LAMB1: variants seen among roughly 807,000 people sequenced by gnomAD.
LAMB1 encodes laminin subunit beta-1.
LAMB1 carries 121 observed loss-of-function variants against 222.3 expected under a neutral mutation model. That is an observed-to-expected ratio of 0.54 (90% CI 0.47 to 0.63). The LOEUF is 0.63. Ranked by LOEUF, LAMB1 falls within the 30% of genes least tolerant of loss-of-function variation. LAMB1 has a pLI of 0.00. For synonymous variants in LAMB1, 794 were observed against 807.2 expected (o/e 0.98, Z 0.28); for missense variants, 2,172 against 2,240.8 (o/e 0.97, Z 0.62).
intron 24 of LAMB1, chr7:107,950,986 C>T (rs533233462): frequency 2.7e-6 from 1 of 367,806 alleles, no homozygotes; most frequent in Non-Finnish European, 5.1e-6. Flanking sequence ...ACAAACTTTA[C>T]CCCAGGGTGT....
intron 20 of LAMB1, 73 bp downstream of exon 20, chr7:107,959,176 C>A: frequency 8.6e-7 from 1 of 1,158,862 alleles, no homozygotes; most frequent in Admixed American, 2.0e-5. Flanking sequence ...GAGATGAATT[C>A]TGTGGTTGGT....
rs2033828949 is a variant in LAMB1 at position 107,975,295 on chromosome 7, A to G, written c.1308T>C (p.His436=). The G allele has an allele frequency of 3.1e-6, 5 of 1,614,116 alleles. No homozygotes were observed. The highest frequency in any genetic ancestry group is 3.4e-6 in the Non-Finnish European group (4 of 1,179,994). Reference sequence around the variant, plus strand: ...AGAAGCCTTCTTTGCAAACATCACAATGTTCTCCTTCCACATTTAATTTAC... The same window carrying G: ...AGAAGCCTTCTTTGCAAACATCACAGTGTTCTCCTTCCACATTTAATTTAC... ...CRCKLNVEGE[H]CDVCKEGFYD... Residue 436 remains histidine (H), a synonymous_variant, in exon 11 of 34, where the codon CAT becomes CAC. Coordinates refer to ENST00000222399, the MANE Select transcript of LAMB1 (RefSeq NM_002291.3).
chr7:107,946,669 C>T (rs2033123043), intron 24 of LAMB1, among the ~76,000 whole-genome samples: 1 of 152,236 alleles, frequency 6.6e-6, no homozygotes, highest in South Asian at 2.1e-4. Flanking sequence ...GACAAGACTT[C>T]ACTCTACTGA....
chr7:107,998,821 T>C (rs1475227110), intron 3 of LAMB1, among the ~76,000 whole-genome samples: 3 of 152,236 alleles, frequency 2.0e-5, no homozygotes, highest in Non-Finnish European at 4.4e-5. Flanking sequence ...AAGCTTACTC[T>C]ACAGTAAAAT....
chr7:107,959,242 T>C lies in LAMB1; in HGVS notation c.2690+7A>G. ...CTACATTCTCCTTACTTTCAGCATC[T>C]GCATACCTTTCACAGTTATGACCCA... is the stretch of plus-strand genomic sequence containing the variant. On this transcript the variant is annotated splice_region_variant and intron_variant, in intron 20 of 33. Coordinates refer to ENST00000222399, the MANE Select transcript of LAMB1 (RefSeq NM_002291.3). 1 of 1,604,890 alleles carries C rather than the reference T, an allele frequency of 6.2e-7. No homozygotes were observed. The highest frequency in any genetic ancestry group is 1.1e-5 in the South Asian group (1 of 90,752).
chr7:107,935,346 T>G lies in LAMB1; in HGVS notation c.4188+69A>C, dbSNP rs1562976441. The stretch of plus-strand genomic sequence containing the variant: ...TGACAAAAGATGGTTTGTTTTTCTT[T>G]GTTTTTTTTTTTTTTTTTTTTTTTT... On this transcript the variant is annotated intron_variant, in intron 27 of 33. Coordinates refer to ENST00000222399, the MANE Select transcript of LAMB1 (RefSeq NM_002291.3). 3 of 1,434,454 alleles carry G rather than the reference T, an allele frequency of 2.1e-6. No homozygotes were observed. The African/African-American group carries it at 6.2e-5, about 30-fold the overall frequency. 88.9% of individuals were successfully genotyped at this position (1,434,454 alleles called of 1,614,324 possible).
At chr7:107,961,492 A>G in intron 16 of LAMB1, 57 bp downstream of exon 16, 1 of 1,590,766 alleles carries the variant, frequency 6.3e-7, no homozygotes, top group South Asian at 1.1e-5. Flanking sequence ...AAAATATTAG[A>G]AAAATACTAA....
rs1373573046 is a variant in LAMB1 at position 107,926,219 on chromosome 7, T to C, written c.5028A>G (p.Val1676=). 1 of 1,613,938 alleles carries C rather than the reference T, an allele frequency of 6.2e-7. No individual in the cohort carries two copies. Among genetic ancestry groups the C allele is most frequent in the East Asian group, 2.2e-5 (1 of 44,874 alleles). The change falls in exon 32 of 34, where the codon GTA becomes GTG. Residue 1676 remains valine, a synonymous_variant. Transcript: ENST00000222399. ...CTTCTGCACTTTGCTTCACAGTATA[T>C]ACTACTTTTTCAATATATTCTGCCT... ...SGEAEYIEKV[V]YTVKQSAEDV...
rs1281794031 is a variant in LAMB1 at position 107,989,763 on chromosome 7, T to C, written c.424-3400A>G. On this transcript the variant is annotated intron_variant, in intron 5 of 33. Transcript: ENST00000222399. ...AGGGGAAGGTCTAATCGGACTTCTC[T>C]GTGCCAATGGCTCTGTGAAAGCCAT... is the stretch of plus-strand genomic sequence containing the variant. Among the ~76,000 whole-genome samples, 6 of 152,216 alleles carry C rather than the reference T, an allele frequency of 3.9e-5. No homozygotes were observed. The East Asian group carries it at 1.2e-3, about 29-fold the overall frequency.
chr7:107,927,287 C>T lies in LAMB1; in HGVS notation c.4888-928G>A, dbSNP rs1051345899. ...TGTTTCTGATAAGCTTTCATGAACA[C>T]AGTTTAGTTAGAGGTTCTCTTTGTT... On this transcript the variant is annotated intron_variant, in intron 31 of 33. Coordinates refer to ENST00000222399, the MANE Select transcript of LAMB1 (RefSeq NM_002291.3). Among the ~76,000 whole-genome samples the T allele has an allele frequency of 2.0e-5, 3 of 152,294 alleles. No individual in the cohort carries two copies. The East Asian group carries it at 5.8e-4, about 29-fold the overall frequency.
Position 107,927,627 on chromosome 7 carries a change from A to G in LAMB1, c.4888-1268T>C, listed in dbSNP as rs543672843. 6.6e-5 allele frequency among the ~76,000 whole-genome samples: 10 copies of G among 152,320 alleles called. No individual in the cohort carries two copies. The South Asian group carries it at 8.3e-4, about 13-fold the overall frequency. Reference sequence around the variant, plus strand: ...ACTGCTGCACCTGGCTTTCAAAACAATAATTTCTACAGTCACTGACATAAT... The same window carrying G: ...ACTGCTGCACCTGGCTTTCAAAACAGTAATTTCTACAGTCACTGACATAAT... On this transcript the variant is annotated intron_variant, in intron 31 of 33. Coordinates refer to ENST00000222399, the MANE Select transcript of LAMB1 (RefSeq NM_002291.3).
intron 24 of LAMB1, among the ~76,000 whole-genome samples, chr7:107,949,870 C>CA (rs896286936): frequency 6.6e-6 from 1 of 152,062 alleles, no homozygotes; most frequent in African/African-American, 2.4e-5. Flanking sequence ...AATGAGTTGC[C>CA]AACTTGAAGA....
At chr7:107,974,600 G>C (rs2033814487) in intron 12 of LAMB1, among the ~76,000 whole-genome samples, 1 of 152,018 alleles carries the variant, frequency 6.6e-6, no homozygotes, top group Non-Finnish European at 1.5e-5. Context: ...TGGGTCAAAG[G>C]GTATGCCCAT....
At chr7:107,976,860 CTTCCTTCCTTCCTTTCCTCTTG>C (rs2033868337) in intron 9 of LAMB1, among the ~76,000 whole-genome samples, 1 of 32,184 alleles carries the variant, frequency 3.1e-5, no homozygotes, top group African/African-American at 1.6e-4. Flanking sequence ...CTTTCCTCTC[CTTCCTTCCTTCCTTTCCTCTTG>C]CTCCTTCCTT....
At chr7:107,935,359 T>C in intron 27 of LAMB1, 56 bp downstream of exon 27, 1 of 472,652 alleles carries the variant, frequency 2.1e-6, no homozygotes, top group Non-Finnish European at 2.9e-6. Flanking sequence ...TTTTTTTTTT[T>C]TTTTTTTTTT....
At chr7:107,964,464 T>C (rs1330956923) in intron 14 of LAMB1, 88 bp downstream of exon 14, 8 of 1,491,194 alleles carry the variant, frequency 5.4e-6, no homozygotes, top group Non-Finnish European at 7.4e-6. Flanking sequence ...ATAAAAATGC[T>C]TCTGAAATGG....
chr7:107,986,515 A>G, intron 5 of LAMB1, 152 bp from the exon 6 acceptor site: 4 of 642,334 alleles, frequency 6.2e-6, no homozygotes, highest in Non-Finnish European at 1.0e-5. Flanking sequence ...CAAATAATTC[A>G]AGCTGTTCCA....
intron 18 of LAMB1, 87 bp downstream of exon 18, chr7:107,960,357 TA>T (rs977465861): frequency 1.1e-6 from 1 of 913,434 alleles, no homozygotes; most frequent in Admixed American, 1.9e-5. Context: ...AACACAGGGC[TA>T]GGGGGTGGGC....
chr7:107,932,036 A>G, intron 28 of LAMB1, 138 bp downstream of exon 28: 1 of 825,622 alleles, frequency 1.2e-6, no homozygotes, highest in Non-Finnish European at 2.0e-6. Context: ...TCACAGAAAC[A>G]TGAACTTTCA....
Sources: gnomAD v4.1 joint callset for allele counts (sites outside exome capture counted in the v4.1 genomes callset) on GRCh38, gnomAD v4.1.1 for gene constraint, MANE v1.5 for transcripts, NCBI Gene and HGNC (gene_info 2026-07-23, HGNC 2026-07-21) for gene names.